RPN1: variants seen among roughly 807,000 people sequenced by gnomAD.
The protein encoded by RPN1 is ribophorin I, also known as dolichyl-diphosphooligosaccharide--protein glycosyltransferase subunit 1.
A neutral mutation model predicts 55.5 loss-of-function variants in RPN1; 12 were observed. That is an observed-to-expected ratio of 0.22 (90% CI 0.14 to 0.35). The LOEUF (loss-of-function observed/expected upper bound fraction) is 0.35. Among genes scored for constraint, RPN1 ranks in the 10% least tolerant of loss-of-function variants. RPN1 has a pLI of 1.00. For missense variants in RPN1, 679 were observed against 761.3 expected (o/e 0.89, Z 1.27); for synonymous variants, 317 against 305.9 (o/e 1.04, Z -0.38).
chr3:128,645,403 G>C (rs2069759195), intron 1 of RPN1, among the ~76,000 whole-genome samples: 1 of 151,932 alleles, frequency 6.6e-6, no homozygotes, highest in Non-Finnish European at 1.5e-5. Context: ...CCGGGAGGCA[G>C]AGGTTGCAGC....
At chr3:128,633,376 G>A (rs1438923704) in intron 3 of RPN1, among the ~76,000 whole-genome samples, 2 of 151,840 alleles carry the variant, frequency 1.3e-5, no homozygotes, top group East Asian at 3.9e-4. Context: ...CCAGGTGCAT[G>A]CCACCACGCC....
intron 3 of RPN1, among the ~76,000 whole-genome samples, chr3:128,635,669 ATC>A (rs1390805816): frequency 1.9e-4 from 23 of 124,256 alleles, no homozygotes; most frequent in African/African-American, 6.4e-4. Context: ...ATATATAGAT[ATC>A]TATAGATATC....
At chr3:128,623,895 T>C (rs1303905161) in intron 8 of RPN1, among the ~76,000 whole-genome samples, 1 of 152,106 alleles carries the variant, frequency 6.6e-6, no homozygotes. Flanking sequence ...TGTAAGAGAA[T>C]ACCCTTGCTC....
chr3:128,625,086 C>T (rs1314334075), intron 8 of RPN1, among the ~76,000 whole-genome samples: 1 of 152,046 alleles, frequency 6.6e-6, no homozygotes, highest in African/African-American at 2.4e-5. Context: ...CAAGGAGCCA[C>T]GGAGCCTGTC....
chr3:128,635,547 C>T (rs1055314263), intron 3 of RPN1, among the ~76,000 whole-genome samples: 8 of 150,316 alleles, frequency 5.3e-5, no homozygotes, highest in African/African-American at 1.7e-4. Flanking sequence ...GTGATCTGCC[C>T]GCCTCAGCCT....
chr3:128,639,100 C>T (rs1056481965), intron 2 of RPN1, among the ~76,000 whole-genome samples: 10 of 152,068 alleles, frequency 6.6e-5, no homozygotes, highest in African/African-American at 2.4e-4. Context: ...GAAAGATGTC[C>T]ATGTACAATG....
intron 1 of RPN1, among the ~76,000 whole-genome samples, chr3:128,645,380 G>A (rs1001702304): frequency 6.6e-6 from 1 of 151,478 alleles, no homozygotes; most frequent in African/African-American, 2.4e-5. Context: ...TGAGGCAGGA[G>A]AATTGCTTGA....
At chr3:128,649,710 T>C (rs1436215684) in intron 1 of RPN1, among the ~76,000 whole-genome samples, 1 of 152,202 alleles carries the variant, frequency 6.6e-6, no homozygotes, top group East Asian at 1.9e-4. Context: ...TTTTCTTTGG[T>C]GATCACTGAA....
At chr3:128,647,208 A>T (rs2712412) in intron 1 of RPN1, among the ~76,000 whole-genome samples, 37,913 of 151,998 alleles carry the variant, frequency 0.25, 4,908 homozygotes, top group East Asian at 0.41. Flanking sequence ...CCCACCCTCA[A>T]CTGAAAAAAA....
intron 1 of RPN1, among the ~76,000 whole-genome samples, chr3:128,647,053 CAACAAGATACAT>C (rs2069774347): frequency 6.6e-6 from 1 of 151,698 alleles, no homozygotes; most frequent in Admixed American, 6.6e-5. Context: ...ACCCTCACAG[CAACAAGATACAT>C]AACCAGGAAA....
chr3:128,632,089 A>G lies in RPN1; in HGVS notation c.702T>C (p.Ile234=). 1 of 1,614,194 alleles carries G rather than the reference A, an allele frequency of 6.2e-7. No individual in the cohort carries two copies. Among genetic ancestry groups the G allele is most frequent in the Non-Finnish European group, 8.5e-7 (1 of 1,180,034 alleles). Residue 234 remains isoleucine, a synonymous_variant, in exon 4 of 10, where the codon ATT becomes ATC. Coordinates refer to ENST00000296255, the MANE Select transcript of RPN1 (RefSeq NM_002950.4). Reference sequence around the variant, plus strand: ...CAATATTACCCCAGTGAGAGACTTCAATGACTCGGGTCATGCTGGTGATGG... The same window carrying G: ...CAATATTACCCCAGTGAGAGACTTCGATGACTCGGGTCATGCTGGTGATGG... The part of the protein sequence containing the change: ...FLTITSMTRV[I]EVSHWGNIAV...
chr3:128,632,681 G>A (rs1029645319), intron 3 of RPN1, among the ~76,000 whole-genome samples: 3 of 151,704 alleles, frequency 2.0e-5, no homozygotes, highest in Non-Finnish European at 4.4e-5. Flanking sequence ...TGCAACCTCC[G>A]CCTCCTGGGT....
rs1199619695 is a variant in RPN1, at chr3:128,632,923, T to C, written c.634-766A>G. 2.0e-5 allele frequency among the ~76,000 whole-genome samples: 3 copies of C among 152,138 alleles called. No homozygotes were observed. In the East Asian group the frequency reaches 5.8e-4, roughly 29 times the overall value. Reference sequence around the variant, plus strand: ...CATCGTGCCCAGCCCGATTTCACTCTTCTATGTGGTAAATACTACCTCTCA... The same window carrying C: ...CATCGTGCCCAGCCCGATTTCACTCCTCTATGTGGTAAATACTACCTCTCA... On this transcript the variant is annotated intron_variant, in intron 3 of 9. Transcript: ENST00000296255.
intron 8 of RPN1, among the ~76,000 whole-genome samples, chr3:128,624,539 T>C (rs2069585121): frequency 1.3e-5 from 2 of 151,040 alleles, no homozygotes; most frequent in African/African-American, 4.9e-5. Flanking sequence ...ACCCACACAG[T>C]TCGGCTGGAT....
chr3:128,633,240 A>T (rs9816260), intron 3 of RPN1, among the ~76,000 whole-genome samples: 50,026 of 149,226 alleles, frequency 0.34, 8,495 homozygotes, highest in Middle Eastern at 0.41. Flanking sequence ...TTTTTTTTTT[A>T]AATTATAAAC....
Position 128,622,397 on chromosome 3 carries a change from C to G in RPN1, c.1408G>C (p.Glu470Gln), listed in dbSNP as rs2069566853. 6 of 1,614,162 alleles carry G rather than the reference C, an allele frequency of 3.7e-6. No individual in the cohort carries two copies. The highest frequency in any genetic ancestry group is 5.1e-6 in the Non-Finnish European group (6 of 1,180,026). Reference protein sequence around the residue: ...DFSITKDPAAEARMKVACITE... With the variant: ...DFSITKDPAAQARMKVACITE... ...ATGCAGGCTACCTTCATCCTGGCTT[C>G]TGCGGCTGGATCCTGAAGGAAGGAG... is the stretch of plus-strand genomic sequence containing the variant. The change falls in exon 9 of 10, where the codon GAA becomes CAA. Residue 470 changes from glutamate to glutamine, a missense_variant. Physicochemically the swap from Glu to Gln is conservative, Grantham distance 29 (BLOSUM62 2). Transcript: ENST00000296255.
chr3:128,622,543 C>T, intron 8 of RPN1, 134 bp from the exon 9 acceptor site: 2 of 1,112,684 alleles, frequency 1.8e-6, no homozygotes, highest in Non-Finnish European at 2.6e-6. Context: ...CAAAGTCAAA[C>T]CCCTACTGAT....
intron 3 of RPN1, among the ~76,000 whole-genome samples, chr3:128,634,894 A>G (rs2069665789): frequency 6.6e-6 from 1 of 152,102 alleles, no homozygotes; most frequent in African/African-American, 2.4e-5. Flanking sequence ...AAAATGGAGG[A>G]AAGTGGAAAA....
chr3:128,635,645 A>C (rs372564786), intron 3 of RPN1, among the ~76,000 whole-genome samples: 16 of 22,312 alleles, frequency 7.2e-4, no homozygotes, highest in South Asian at 7.1e-3. Context: ...ATATAGATAT[A>C]TATATATATA....
Sources: allele counts gnomAD v4.1 joint callset (sites outside exome capture counted in the v4.1 genomes callset), GRCh38; gene constraint gnomAD v4.1.1; transcripts MANE v1.5; gene names NCBI Gene and HGNC (gene_info 2026-07-23, HGNC 2026-07-21).